NPAT: variants seen among roughly 807,000 people sequenced by gnomAD.
NPAT encodes nuclear protein, coactivator of histone transcription.
A neutral mutation model predicts 130.7 loss-of-function variants in NPAT; 52 were observed. The ratio of observed to expected loss-of-function variants is 0.40; its 90% CI spans 0.32 to 0.50. The LOEUF is 0.50. Ranked by LOEUF, NPAT falls within the 20% of genes least tolerant of loss-of-function variation. NPAT has a pLI of 0.68. For synonymous variants in NPAT, 580 were observed against 584.8 expected (o/e 0.99, Z 0.12); for missense variants, 1,687 against 1,662.6 (o/e 1.01, Z -0.26).
rs1265314662 is a variant in NPAT at position 108,157,575 on chromosome 11, G to A, written c.*1367C>T. 2.0e-5 allele frequency: 3 copies of A among 152,040 alleles called. No homozygotes were observed. The highest frequency in any genetic ancestry group is 1.3e-4 in the Admixed American group (2 of 15,270). 9.4% of individuals were successfully genotyped at this position (152,040 alleles called of 1,614,324 possible). A position where few individuals can be genotyped will look rare whatever the true frequency, so the allele number is the denominator to read the frequency against. On this transcript the variant is annotated 3_prime_UTR_variant, in exon 18 of 18. Transcript: ENST00000278612. ...ATTAAGAAGACATGATTTCTACACT[G>A]AGAAATGTTGTGTTAAAGTTGGATG...
rs1555042968 is a variant in NPAT, at chr11:108,184,531, A to AACT, written c.906+700_906+701insAGT. Among the ~76,000 whole-genome samples, 5 of 150,980 alleles carry AACT rather than the reference A, an allele frequency of 3.3e-5. No individual in the cohort carries two copies. In the South Asian group the frequency reaches 1.0e-3, roughly 31 times the overall value. ...TAACTATTACTTGGATTCATTACATATTTTTTCTTATTTTTTTGAGACAGG... is the reference window on the plus strand; with the variant it reads ...TAACTATTACTTGGATTCATTACATAACTTTTTTTCTTATTTTTTTGAGACAGG... On this transcript the variant is annotated intron_variant, in intron 10 of 17. Transcript: ENST00000278612.
At chr11:108,194,207 GA>G (rs1255410316) in intron 2 of NPAT, among the ~76,000 whole-genome samples, 190 bp from the exon 3 acceptor site, 1 of 152,166 alleles carries the variant, frequency 6.6e-6, no homozygotes, top group East Asian at 1.9e-4. Flanking sequence ...AGCTTCTAAA[GA>G]ATCTTGCCTG....
chr11:108,209,692 A>T (rs2078364588), intron 1 of NPAT, among the ~76,000 whole-genome samples: 1 of 152,114 alleles, frequency 6.6e-6, no homozygotes, highest in Admixed American at 6.5e-5. Context: ...GATCGAGACC[A>T]TCCTGGCTAA....
chr11:108,222,485 C>G lies in NPAT; in HGVS notation c.37+15G>C. 6.2e-7 allele frequency: 1 copy of G among 1,613,388 alleles called. No homozygotes were observed. Among genetic ancestry groups the G allele is most frequent in the Non-Finnish European group, 8.5e-7 (1 of 1,179,660 alleles). ...AGCCGGGTCCAATAACCCTCCATCCCGCGTCCGCGCTTACCCAATACAAGC... is the reference window on the plus strand; with the variant it reads ...AGCCGGGTCCAATAACCCTCCATCCGGCGTCCGCGCTTACCCAATACAAGC... On this transcript the variant is annotated intron_variant, in intron 1 of 17. Coordinates refer to ENST00000278612, the MANE Select transcript of NPAT (RefSeq NM_002519.3).
chr11:108,160,015 G>C (rs149731815), intron 17 of NPAT, among the ~76,000 whole-genome samples: 3,608 of 152,108 alleles, frequency 0.024, 107 homozygotes, highest in African/African-American at 0.075. Context: ...GCTGGGTGTG[G>C]TGGCAGACAC....
chr11:108,204,119 G>A (rs2078301712), intron 1 of NPAT, among the ~76,000 whole-genome samples: 1 of 152,166 alleles, frequency 6.6e-6, no homozygotes. Context: ...CCTAATGGCA[G>A]TTAGATGTAC....
chr11:108,163,526 T>C (rs1164263483), intron 15 of NPAT, among the ~76,000 whole-genome samples: 1 of 152,104 alleles, frequency 6.6e-6, no homozygotes, highest in Non-Finnish European at 1.5e-5. Context: ...TAAGAGATGA[T>C]GAGGGTCTGA....
At chr11:108,207,473 G>A (rs531201045) in intron 1 of NPAT, among the ~76,000 whole-genome samples, 13 of 152,344 alleles carry the variant, frequency 8.5e-5, no homozygotes, top group African/African-American at 3.1e-4. Context: ...CCAAGGGGCA[G>A]GCCCATGCCG....
At position 108,188,127 on chromosome 11, in the gene NPAT, G is replaced by T; in HGVS notation, c.609C>A (p.Ala203=). ...IPGAQEKKAH[A]SLMSPGRRKS... ...TGCGTCTACCGGGAGACATTAAACT[G>T]GCATGTGCTTTCTTTTCCTGAGCAC... The change falls in exon 7 of 18, where the codon GCC becomes GCA. Residue 203 remains alanine (A), a synonymous_variant. Coordinates refer to ENST00000278612, the MANE Select transcript of NPAT (RefSeq NM_002519.3). 1 of 1,613,010 alleles carries T rather than the reference G, an allele frequency of 6.2e-7. No homozygotes were observed. The highest frequency in any genetic ancestry group is 8.5e-7 in the Non-Finnish European group (1 of 1,179,672).
chr11:108,190,386 C>A, intron 5 of NPAT, 74 bp downstream of exon 5: 1 of 971,276 alleles, frequency 1.0e-6, no homozygotes, highest in Non-Finnish European at 1.6e-6. Flanking sequence ...CACATGTGTA[C>A]AATGAATTAA....
In NPAT at chr11:108,173,459, T is replaced by C. The variant is rs765223725; in HGVS notation, c.1525A>G (p.Ile509Val). The stretch of plus-strand genomic sequence containing the variant: ...CAACCAAGTGAAACAAATGAAGTTA[T>C]TGGTATATCAGGCTGATCAGGCTGT... ...QLQPDQPDIPITSFVSLGCEA... is the reference protein window; with the variant it reads ...QLQPDQPDIPVTSFVSLGCEA... Residue 509 changes from isoleucine (I) to valine (V), a missense_variant, in exon 13 of 18, where the codon ATA becomes GTA. By Grantham distance (29) the Ile-to-Val change is conservative. This residue lies in a region of NPAT where 1,379 missense variants were observed against 1,346.6 expected (regional missense o/e 1.02). Coordinates refer to ENST00000278612, the MANE Select transcript of NPAT (RefSeq NM_002519.3). 17 of 1,614,050 alleles carry C rather than the reference T, an allele frequency of 1.1e-5. No homozygotes were observed. Among genetic ancestry groups the C allele is most frequent in the South Asian group, 4.4e-5 (4 of 91,086 alleles).
chr11:108,190,470 G>A lies in NPAT; in HGVS notation c.321C>T (p.Gly107=). Residue 107 remains glycine (G), a synonymous_variant, in exon 5 of 18, where the codon GGC becomes GGT. Transcript: ENST00000278612. ...AAGTTGGATACCAACCTCTCTGACT[G>A]CCAGCAAACCTTGGGGAACTTTGCA... The part of the protein sequence containing the change: ...RSMQSSPRFA[G]SQRARTRTGI... 1 of 1,613,588 alleles carries A rather than the reference G, an allele frequency of 6.2e-7. No individual in the cohort carries two copies.
At chr11:108,186,057 C>T (rs984231517) in intron 8 of NPAT, among the ~76,000 whole-genome samples, 1 of 151,436 alleles carries the variant, frequency 6.6e-6, no homozygotes. Flanking sequence ...GACTCTGTCA[C>T]CCAGGCTTGA....
At chr11:108,182,590 C>T (rs954155644) in intron 10 of NPAT, among the ~76,000 whole-genome samples, 2 of 152,234 alleles carry the variant, frequency 1.3e-5, no homozygotes, top group Admixed American at 6.5e-5. Context: ...CTCCGCCTCC[C>T]GGGTTCAAGC....
At chr11:108,197,526 T>C (rs1412156348) in intron 1 of NPAT, 106 bp from the exon 2 acceptor site, 9 of 792,768 alleles carry the variant, frequency 1.1e-5, no homozygotes, top group African/African-American at 5.1e-5. Flanking sequence ...ATTGAAACCT[T>C]AGGTGGAATG....
rs1227363351 is a variant in NPAT, at chr11:108,159,033, G to A, written c.4207-14C>T. 10 of 1,574,544 alleles carry A rather than the reference G, an allele frequency of 6.4e-6. No individual in the cohort carries two copies. The highest frequency in any genetic ancestry group is 4.3e-6 in the Non-Finnish European group (5 of 1,151,268). ...AAGCTTCTTTTTCTGTTGAAAAAGA[G>A]AAAGAAAAAATAAACTCAAAACAAG... On this transcript the variant is annotated splice_polypyrimidine_tract_variant and intron_variant, in intron 17 of 17. Coordinates refer to ENST00000278612, the MANE Select transcript of NPAT (RefSeq NM_002519.3).
In NPAT at chr11:108,158,948, A is replaced by C. The variant is rs2077820729; in HGVS notation, c.4278T>G (p.Asp1426Glu). The C allele has an allele frequency of 6.3e-7, 1 of 1,590,232 alleles. No homozygotes were observed. The highest frequency in any genetic ancestry group is 8.6e-7 in the Non-Finnish European group (1 of 1,160,484). ...VDKFLLSLHYDE is the reference protein window; with the variant it reads ...VDKFLLSLHYEE ...TCTTATGTGTCCAGAATGTTTACTC[A>C]TCATAATGCAATGATAACAAAAATT... Residue 1426 changes from aspartate (D) to glutamate (E), a missense_variant, in exon 18 of 18, where the codon GAT becomes GAG. Physicochemically the swap from Asp to Glu is conservative, Grantham distance 45. Around this residue, in one of 3 missense-constraint regions of NPAT, gnomAD observed 1,379 missense variants for 1,346.6 expected, o/e 1.02. Transcript: ENST00000278612.
At chr11:108,217,042 T>C (rs769438024) in intron 1 of NPAT, among the ~76,000 whole-genome samples, 2 of 152,224 alleles carry the variant, frequency 1.3e-5, no homozygotes, top group African/African-American at 2.4e-5. Flanking sequence ...CTGAGGACAC[T>C]GTATGTGTGG....
rs1211065654 is a variant in NPAT, at chr11:108,189,970, T to C, written c.331+490A>G. On this transcript the variant is annotated intron_variant, in intron 5 of 17. Coordinates refer to ENST00000278612, the MANE Select transcript of NPAT (RefSeq NM_002519.3). ...TGAAATGTAGGGAGTATTTACAAAA[T>C]ATTTTAATGATAAATGAAAATATTA... Among the ~76,000 whole-genome samples, 3 of 151,372 alleles carry C rather than the reference T, an allele frequency of 2.0e-5. No individual in the cohort carries two copies. The East Asian group carries it at 5.8e-4, about 29-fold the overall frequency.
Sources: gnomAD v4.1 joint callset for allele counts (sites outside exome capture counted in the v4.1 genomes callset) on GRCh38, gnomAD v4.1.1 for gene constraint, gnomAD v4.1.1 regional missense constraint, MANE v1.5 for transcripts, NCBI Gene and HGNC (gene_info 2026-07-23, HGNC 2026-07-21) for gene names.